CSMD1: variants seen among roughly 807,000 people sequenced by gnomAD.
The protein encoded by CSMD1 is CUB and sushi domain-containing protein 1.
In CSMD1, 213 loss-of-function variants were observed where a neutral mutation model predicts 417.5. That is an observed-to-expected ratio of 0.51 (90% CI 0.46 to 0.57). CSMD1 has a LOEUF of 0.57. Among genes scored for constraint, CSMD1 ranks in the 20% least tolerant of loss-of-function variants. CSMD1 has a pLI of 0.00. For missense variants in CSMD1, 6,923 were observed against 4,529.7 expected, an observed-to-expected ratio of 1.53 and a Z score of -15.17; for synonymous variants, 2,862 against 1,736.8, an observed-to-expected ratio of 1.65 and a Z score of -16.11.
At chr8:4,126,975 T>C (rs537087451) in intron 3 of CSMD1, among the ~76,000 whole-genome samples, 2 of 152,224 alleles carry the variant, frequency 1.3e-5, no homozygotes, top group African/African-American at 4.8e-5. Flanking sequence ...GTCAAGCTGA[T>C]GCTGGTGCAC....
intron 1 of CSMD1, among the ~76,000 whole-genome samples, chr8:4,665,526 C>G (rs1353417742): frequency 6.6e-6 from 1 of 152,174 alleles, no homozygotes; most frequent in Admixed American, 6.5e-5. Context: ...CCCTCTCCCC[C>G]AGAGGGTGGC....
intron 49 of CSMD1, among the ~76,000 whole-genome samples, chr8:3,059,686 G>A (rs371413582): frequency 6.6e-5 from 10 of 152,258 alleles, no homozygotes; most frequent in African/African-American, 1.4e-4. Flanking sequence ...TGGGGCAGAC[G>A]TAGGAAGCCC....
intron 3 of CSMD1, among the ~76,000 whole-genome samples, chr8:4,179,357 G>A (rs534602504): frequency 2.0e-5 from 3 of 152,194 alleles, no homozygotes; most frequent in South Asian, 2.1e-4. Flanking sequence ...AATGGTGCTG[G>A]GAAAACTGGC....
At chr8:4,834,923 C>G (rs1246082584) in intron 1 of CSMD1, among the ~76,000 whole-genome samples, 1 of 120,526 alleles carries the variant, frequency 8.3e-6, no homozygotes, top group Non-Finnish European at 1.6e-5. Flanking sequence ...CGCCACTGCA[C>G]TCCAGCCTGG....
intron 3 of CSMD1, among the ~76,000 whole-genome samples, chr8:4,117,678 T>C (rs762024238): frequency 2.0e-5 from 3 of 152,170 alleles, no homozygotes; most frequent in African/African-American, 7.2e-5. Flanking sequence ...ACAGACTGTA[T>C]ACCTGACACT....
intron 1 of CSMD1, among the ~76,000 whole-genome samples, chr8:4,948,412 G>C (rs1808510335): frequency 6.6e-6 from 1 of 151,492 alleles, no homozygotes; most frequent in Non-Finnish European, 1.5e-5. Flanking sequence ...GTCATTCATT[G>C]GGCATATCTA....
At chr8:4,241,797 A>C (rs1453983528) in intron 3 of CSMD1, among the ~76,000 whole-genome samples, 2 of 150,042 alleles carry the variant, frequency 1.3e-5, no homozygotes, top group African/African-American at 4.9e-5. Flanking sequence ...TACAAGCTCC[A>C]CCTCCTGGGT....
At chr8:3,811,346 G>T (rs1801063399) in intron 5 of CSMD1, among the ~76,000 whole-genome samples, 1 of 152,094 alleles carries the variant, frequency 6.6e-6, no homozygotes, top group African/African-American at 2.4e-5. Flanking sequence ...GGACAATTAT[G>T]GTTTTAAACT....
intron 6 of CSMD1, among the ~76,000 whole-genome samples, chr8:3,752,223 G>C (rs906892319): frequency 2.0e-5 from 3 of 151,114 alleles, no homozygotes; most frequent in Non-Finnish European, 4.4e-5. Context: ...CCTGGCTCCA[G>C]GTGAAGGGAA....
At chr8:4,805,523 T>A (rs1234408294) in intron 1 of CSMD1, among the ~76,000 whole-genome samples, 1 of 152,108 alleles carries the variant, frequency 6.6e-6, no homozygotes, top group Admixed American at 6.6e-5. Context: ...TCTGCCACAC[T>A]CCCTCATCAC....
intron 46 of CSMD1, among the ~76,000 whole-genome samples, chr8:3,100,678 T>A (rs529424085): frequency 2.0e-5 from 3 of 152,314 alleles, no homozygotes; most frequent in South Asian, 4.1e-4. Context: ...GTGCCCCAGA[T>A]TGTTTTTAAA....
chr8:3,623,717 T>C (rs1319874323), intron 7 of CSMD1, among the ~76,000 whole-genome samples: 1 of 152,208 alleles, frequency 6.6e-6, no homozygotes, highest in Non-Finnish European at 1.5e-5. Flanking sequence ...GGCTCATGCC[T>C]GTAATCCTAG....
intron 26 of CSMD1, among the ~76,000 whole-genome samples, chr8:3,260,823 TG>T (rs1801005406): frequency 6.6e-6 from 1 of 152,164 alleles, no homozygotes; most frequent in African/African-American, 2.4e-5. Context: ...GAAAAGCTTT[TG>T]CTCTAAAAAA....
rs571428027 is a variant in CSMD1 at position 4,488,835 on chromosome 8, C to T, written c.303-68770G>A. 2.6e-5 allele frequency among the ~76,000 whole-genome samples: 4 copies of T among 152,322 alleles called. No individual in the cohort carries two copies. In the East Asian group the frequency reaches 7.7e-4, roughly 29 times the overall value. ...CTCTCTGCAAAGAGATCGCCAGTTC[C>T]TTCCTGATTCCCCTGTCCTTATGAT... is the stretch of plus-strand genomic sequence containing the variant. On this transcript the variant is annotated intron_variant, in intron 2 of 69. Transcript: ENST00000635120.
intron 3 of CSMD1, among the ~76,000 whole-genome samples, chr8:4,056,415 T>G (rs1798693938): frequency 1.3e-5 from 2 of 151,900 alleles, no homozygotes; most frequent in Non-Finnish European, 2.9e-5. Flanking sequence ...TTTCTTTTTT[T>G]TTTGTTTGTG....
chr8:4,173,918 G>A (rs989829751), intron 3 of CSMD1, among the ~76,000 whole-genome samples: 14 of 152,042 alleles, frequency 9.2e-5, no homozygotes, highest in Non-Finnish European at 1.9e-4. Context: ...CATGGCTCAG[G>A]GTATGAACTA....
chr8:3,811,981 A>C lies in CSMD1; in HGVS notation c.819-57939T>G, dbSNP rs185906956. ...TTTTGTTTGCTTCAGTGTTTTTCTGAGATGCTTACAACCTAATTCAAACCA... is the reference window on the plus strand; with the variant it reads ...TTTTGTTTGCTTCAGTGTTTTTCTGCGATGCTTACAACCTAATTCAAACCA... On this transcript the variant is annotated intron_variant, in intron 5 of 69. Transcript: ENST00000635120. 1.3e-3 allele frequency among the ~76,000 whole-genome samples: 192 copies of C among 152,278 alleles called. 1 individual carries two copies. In the East Asian group the frequency reaches 0.018, roughly 15 times the overall value.
chr8:4,181,322 C>G (rs1390896839), intron 3 of CSMD1, among the ~76,000 whole-genome samples: 1 of 151,912 alleles, frequency 6.6e-6, no homozygotes, highest in East Asian at 1.9e-4. Context: ...CATATATATC[C>G]ATGCTAAAAG....
chr8:3,181,203 G>C lies in CSMD1; in HGVS notation c.5632C>G (p.Pro1878Ala), dbSNP rs1821301193. The C allele has an allele frequency of 3.7e-6, 6 of 1,612,068 alleles. No individual in the cohort carries two copies. Among genetic ancestry groups the C allele is most frequent in the East Asian group, 2.2e-5 (1 of 44,874 alleles). Residue 1878 changes from proline to alanine, a missense_variant, in exon 37 of 70, where the codon CCG becomes GCG. Physicochemically the swap from Pro to Ala is conservative, Grantham distance 27 (BLOSUM62 -1). Coordinates refer to ENST00000635120, the MANE Select transcript of CSMD1 (RefSeq NM_033225.6). ...RLGSFSGTTV[P>A]ALLNSTSNQL... ...TTGGAAGTACTGTTCAGCAGTGCCG[G>C]TACTGTGGTGCCTGTAAGAAACAAT...
Sources: allele counts gnomAD v4.1 joint callset (sites outside exome capture counted in the v4.1 genomes callset), GRCh38; gene constraint gnomAD v4.1.1; transcripts MANE v1.5; gene names NCBI Gene and HGNC (gene_info 2026-07-23, HGNC 2026-07-21).